THRB: variants seen among roughly 807,000 people sequenced by gnomAD.
THRB encodes the protein thyroid hormone receptor beta.
Under a neutral mutation model 47.8 loss-of-function variants are expected in THRB, and 12 were observed. The ratio of observed to expected loss-of-function variants is 0.25; its 90% CI spans 0.16 to 0.41. The LOEUF is 0.41. THRB is among the 10% of genes least tolerant of loss of function. The pLI is 1.00. For synonymous variants in THRB, 218 were observed against 212.2 expected, an observed-to-expected ratio of 1.03 and a Z score of -0.24; for missense variants, 348 against 589.2, an observed-to-expected ratio of 0.59 and a Z score of 4.24.
At chr3:24,186,407 C>T (rs2042576034) in intron 5 of THRB, among the ~76,000 whole-genome samples, 1 of 150,762 alleles carries the variant, frequency 6.6e-6, no homozygotes, top group South Asian at 2.1e-4. Flanking sequence ...GATTAAAGTG[C>T]CAAGGAAGTG....
chr3:24,396,089 AACC>A (rs377665146), intron 1 of THRB, among the ~76,000 whole-genome samples: 7 of 152,086 alleles, frequency 4.6e-5, no homozygotes, highest in African/African-American at 1.7e-4. Flanking sequence ...ATACACTAAA[AACC>A]ATTGAATGTA....
At chr3:24,287,208 A>G (rs1405383570) in intron 3 of THRB, among the ~76,000 whole-genome samples, 1 of 152,010 alleles carries the variant, frequency 6.6e-6, no homozygotes, top group Non-Finnish European at 1.5e-5. Flanking sequence ...TTCGTCCCCT[A>G]CCCAGCGCCT....
At chr3:24,339,768 CTTT>C (rs561275752) in intron 1 of THRB, among the ~76,000 whole-genome samples, 60 of 152,248 alleles carry the variant, frequency 3.9e-4, no homozygotes, top group African/African-American at 1.4e-3. Flanking sequence ...CAGTTCTTCT[CTTT>C]AGGAAACAGG....
At chr3:24,435,687 C>A (rs1022434207) in intron 1 of THRB, among the ~76,000 whole-genome samples, 5 of 152,180 alleles carry the variant, frequency 3.3e-5, no homozygotes, top group Non-Finnish European at 7.3e-5. Flanking sequence ...GCTCTAGCCA[C>A]CCCCACTCAA....
At chr3:24,194,071 C>T (rs1167896582) in intron 4 of THRB, among the ~76,000 whole-genome samples, 2 of 152,110 alleles carry the variant, frequency 1.3e-5, no homozygotes, top group Admixed American at 1.3e-4. Flanking sequence ...GGGAGCTGGG[C>T]TATGAGGATG....
At chr3:24,149,977 T>C (rs1243191074) in intron 6 of THRB, among the ~76,000 whole-genome samples, 1 of 152,222 alleles carries the variant, frequency 6.6e-6, no homozygotes, top group Non-Finnish European at 1.5e-5. Flanking sequence ...AAGAACTGTA[T>C]CCATTTTTTA....
intron 1 of THRB, among the ~76,000 whole-genome samples, chr3:24,351,874 ACC>A (rs1350053920): frequency 1.3e-5 from 2 of 152,172 alleles, no homozygotes. Flanking sequence ...CTTACAGGGA[ACC>A]CTATATACTC....
At chr3:24,408,879 A>T (rs1389298827) in intron 1 of THRB, among the ~76,000 whole-genome samples, 1 of 151,884 alleles carries the variant, frequency 6.6e-6, no homozygotes, top group Admixed American at 6.6e-5. Flanking sequence ...TTATTTGAAC[A>T]TTAAACTATA....
At chr3:24,430,667 T>A (rs2070296733) in intron 1 of THRB, 1 of 152,056 alleles carries the variant, frequency 6.6e-6, no homozygotes, top group Admixed American at 6.6e-5. Context: ...GAAGAGAATT[T>A]CTTAAGAAAA....
chr3:24,373,855 T>C (rs2065085326), intron 1 of THRB, among the ~76,000 whole-genome samples: 1 of 152,164 alleles, frequency 6.6e-6, no homozygotes, highest in African/African-American at 2.4e-5. Context: ...ATTCATACAC[T>C]GCTGAGTGTT....
chr3:24,215,440 A>C (rs1307476360), intron 4 of THRB, among the ~76,000 whole-genome samples: 3 of 152,194 alleles, frequency 2.0e-5, no homozygotes, highest in Non-Finnish European at 4.4e-5. Context: ...CCATTACTCC[A>C]TGCCAACTCC....
intron 3 of THRB, among the ~76,000 whole-genome samples, chr3:24,277,178 A>G (rs971261906): frequency 6.6e-6 from 1 of 152,052 alleles, no homozygotes; most frequent in African/African-American, 2.4e-5. Flanking sequence ...GAAGGGAGCA[A>G]TTTTGCACCT....
At chr3:24,352,237 T>G (rs559128220) in intron 1 of THRB, among the ~76,000 whole-genome samples, 19 of 152,180 alleles carry the variant, frequency 1.2e-4, no homozygotes, top group Non-Finnish European at 2.5e-4. Context: ...TTTAAAAACA[T>G]TCCTGTTAGT....
chr3:24,400,737 G>A (rs2067324178), intron 1 of THRB, among the ~76,000 whole-genome samples: 1 of 151,926 alleles, frequency 6.6e-6, no homozygotes, highest in African/African-American at 2.4e-5. Context: ...TGATCCTAAA[G>A]CTAAATGGCT....
At chr3:24,328,705 C>A (rs1212461209) in intron 2 of THRB, among the ~76,000 whole-genome samples, 1 of 152,234 alleles carries the variant, frequency 6.6e-6, no homozygotes, top group East Asian at 1.9e-4. Flanking sequence ...CCATTTTATA[C>A]TTAGGCTAAT....
intron 2 of THRB, among the ~76,000 whole-genome samples, chr3:24,297,769 A>T (rs922087864): frequency 6.6e-6 from 1 of 152,102 alleles, no homozygotes; most frequent in South Asian, 2.1e-4. Flanking sequence ...GCTTTAAAAA[A>T]CCTGGATGCT....
intron 1 of THRB, among the ~76,000 whole-genome samples, chr3:24,366,864 C>T (rs1282791032): frequency 2.6e-5 from 4 of 151,848 alleles, no homozygotes; most frequent in African/African-American, 9.7e-5. Context: ...TTTGATCCAC[C>T]CACCCACTTC....
chr3:24,304,277 T>C (rs1187970301), intron 2 of THRB, among the ~76,000 whole-genome samples: 3 of 152,150 alleles, frequency 2.0e-5, no homozygotes, highest in Non-Finnish European at 4.4e-5. Flanking sequence ...TAATAAAATA[T>C]AAATCACAAG....
At chr3:24,123,707 C>T (rs1434171846) in intron 10 of THRB, among the ~76,000 whole-genome samples, 7 of 152,088 alleles carry the variant, frequency 4.6e-5, no homozygotes. Flanking sequence ...AAATTGCTAC[C>T]AGTAGCAGCC....
Sources: gnomAD v4.1 joint callset for allele counts (sites outside exome capture counted in the v4.1 genomes callset) on GRCh38, gnomAD v4.1.1 for gene constraint, MANE v1.5 for transcripts, NCBI Gene and HGNC (gene_info 2026-07-23, HGNC 2026-07-21) for gene names.